The following FKBP5 variants were observed in gnomAD, a reference collection of about 807,000 sequenced individuals.
FKBP5 encodes the protein peptidyl-prolyl cis-trans isomerase FKBP5.
FKBP5 carries 23 observed loss-of-function variants against 50.5 expected under a neutral mutation model. That is an observed-to-expected ratio of 0.46 (90% CI 0.33 to 0.65). The LOEUF (loss-of-function observed/expected upper bound fraction) is 0.65. Ranked by LOEUF, FKBP5 falls within the 30% of genes least tolerant of loss-of-function variation. The pLI, the probability that FKBP5 is intolerant of heterozygous loss-of-function variation, is 0.02. For missense variants in FKBP5, 411 were observed against 553.1 expected (o/e 0.74, Z 2.58); for synonymous variants, 176 against 190.6 (o/e 0.92, Z 0.63).
At chr6:35,627,395 G>C (rs1764032679) in intron 3 of FKBP5, among the ~76,000 whole-genome samples, 1 of 152,026 alleles carries the variant, frequency 6.6e-6, no homozygotes, top group Admixed American at 6.6e-5. Flanking sequence ...CTCCCACCTA[G>C]GTCTCCCAAA....
chr6:35,712,419 G>C (rs1430640535), intron 2 of FKBP5, among the ~76,000 whole-genome samples: 1 of 152,120 alleles, frequency 6.6e-6, no homozygotes, highest in African/African-American at 2.4e-5. Flanking sequence ...AGGGGGTAAG[G>C]AGGGTAAGGG....
At chr6:35,641,906 T>C (rs183289985) in intron 2 of FKBP5, among the ~76,000 whole-genome samples, 114 of 151,596 alleles carry the variant, frequency 7.5e-4, no homozygotes, top group South Asian at 1.2e-3. Context: ...TGAGGCAGAA[T>C]TGCTTGAATC....
rs543432375 is a variant in FKBP5, at chr6:35,698,539, C to G, written c.-20+21789G>C. Among the ~76,000 whole-genome samples, 36 of 151,942 alleles carry G rather than the reference C, an allele frequency of 2.4e-4. No homozygotes were observed. The East Asian group carries it at 5.0e-3, about 21-fold the overall frequency. On this transcript the variant is annotated intron_variant, in intron 2 of 11. Transcript: ENST00000536438. ...GCAGGAGCCCGTAATCCCAGCTTCT[C>G]GGGTGGCTGAGGCAGGAGAATCGCT...
At chr6:35,621,820 A>C (rs1763854325) in intron 3 of FKBP5, among the ~76,000 whole-genome samples, 1 of 151,952 alleles carries the variant, frequency 6.6e-6, no homozygotes, top group African/African-American at 2.4e-5. Context: ...CATCTCCACA[A>C]AAAAATATAT....
At chr6:35,699,665 A>G (rs1171290435) in intron 2 of FKBP5, among the ~76,000 whole-genome samples, 1 of 152,178 alleles carries the variant, frequency 6.6e-6, no homozygotes, top group Non-Finnish European at 1.5e-5. Context: ...TCTCGATCTG[A>G]AGATCTTTGA....
chr6:35,697,528 C>T (rs546085874), intron 2 of FKBP5, among the ~76,000 whole-genome samples: 14 of 124,052 alleles, frequency 1.1e-4, no homozygotes, highest in Admixed American at 3.0e-4. Flanking sequence ...GCCTGGGCAA[C>T]GAGAGTGAAA....
At chr6:35,687,034 T>C (rs1765846188) in intron 1 of FKBP5, among the ~76,000 whole-genome samples, 1 of 152,192 alleles carries the variant, frequency 6.6e-6, no homozygotes, top group East Asian at 1.9e-4. Context: ...CGAACTCTTA[T>C]CAGCTATTAG....
chr6:35,612,898 C>T (rs553048366), intron 5 of FKBP5, among the ~76,000 whole-genome samples: 4 of 152,206 alleles, frequency 2.6e-5, no homozygotes, highest in African/African-American at 4.8e-5. Context: ...ACAGCCAAAC[C>T]GTTATCACTG....
chr6:35,709,039 T>C (rs528900640), intron 2 of FKBP5, among the ~76,000 whole-genome samples: 36 of 152,326 alleles, frequency 2.4e-4, no homozygotes, highest in African/African-American at 7.7e-4. Context: ...GATATTATAT[T>C]AGTCTGTTTT....
intron 2 of FKBP5, among the ~76,000 whole-genome samples, chr6:35,711,522 G>A (rs1306828166): frequency 6.6e-6 from 1 of 152,004 alleles, no homozygotes; most frequent in Non-Finnish European, 1.5e-5. Flanking sequence ...GGAGGCTGAG[G>A]CAGGAGAATT....
chr6:35,661,231 C>A (rs1377710991), intron 1 of FKBP5, among the ~76,000 whole-genome samples: 1 of 82,894 alleles, frequency 1.2e-5, no homozygotes, highest in African/African-American at 3.8e-5. Flanking sequence ...TCAAGTGATC[C>A]TCTCATCTCA....
At chr6:35,725,745 T>C (rs1393302096) in intron 1 of FKBP5, among the ~76,000 whole-genome samples, 4 of 152,028 alleles carry the variant, frequency 2.6e-5, no homozygotes, top group Non-Finnish European at 4.4e-5. Context: ...AAGCGGCCAG[T>C]GTAGGACTGG....
chr6:35,634,338 C>CAAA (rs768584953), intron 3 of FKBP5, among the ~76,000 whole-genome samples: 3 of 152,136 alleles, frequency 2.0e-5, no homozygotes, highest in Non-Finnish European at 4.4e-5. Context: ...ACAACAACAA[C>CAAA]AAAATTCTAA....
chr6:35,673,387 A>G (rs1341907538), intron 1 of FKBP5, among the ~76,000 whole-genome samples: 1 of 152,114 alleles, frequency 6.6e-6, no homozygotes, highest in Non-Finnish European at 1.5e-5. Context: ...CCATCTCTAC[A>G]GAAAATTTAA....
intron 1 of FKBP5, among the ~76,000 whole-genome samples, chr6:35,645,444 AAAAGAGAGAG>A (rs1399791078): frequency 6.6e-6 from 1 of 152,132 alleles, no homozygotes; most frequent in Non-Finnish European, 1.5e-5. Context: ...AAAAGATAAA[AAAAGAGAGAG>A]AAAGAGAGAG....
intron 7 of FKBP5, among the ~76,000 whole-genome samples, chr6:35,590,737 G>A (rs1762790464): frequency 6.6e-6 from 1 of 151,828 alleles, no homozygotes; most frequent in South Asian, 2.1e-4. Context: ...GGTACAATCC[G>A]TTCAGCTCTG....
intron 2 of FKBP5, among the ~76,000 whole-genome samples, chr6:35,719,269 C>T (rs964503066): frequency 6.6e-6 from 1 of 152,186 alleles, no homozygotes; most frequent in East Asian, 1.9e-4. Flanking sequence ...CTTTGTAAAA[C>T]ACACACATGA....
chr6:35,614,850 C>T (rs1763595791), intron 5 of FKBP5, among the ~76,000 whole-genome samples: 1 of 152,012 alleles, frequency 6.6e-6, no homozygotes. Flanking sequence ...GCTGGCCGGG[C>T]ACGGTGGCTC....
chr6:35,583,750 T>C (rs1198901858), intron 8 of FKBP5: 2 of 982,506 alleles, frequency 2.0e-6, no homozygotes, highest in Non-Finnish European at 2.4e-6. Flanking sequence ...TTGATAGTAC[T>C]GAGGTTGAAA....
Sources: gnomAD v4.1 joint callset for allele counts (sites outside exome capture counted in the v4.1 genomes callset) on GRCh38, gnomAD v4.1.1 for gene constraint, MANE v1.5 for transcripts, NCBI Gene and HGNC (gene_info 2026-07-23, HGNC 2026-07-21) for gene names.